The following BEND6 variants were observed in gnomAD, a reference collection of about 807,000 sequenced individuals.
BEND6 encodes BEN domain-containing protein 6.
A neutral mutation model predicts 31.8 loss-of-function variants in BEND6; 24 were observed. The ratio of observed to expected loss-of-function variants is 0.75; its 90% CI spans 0.55 to 1.06. The LOEUF (loss-of-function observed/expected upper bound fraction) is 1.06. BEND6 is among the 50% of genes least tolerant of loss of function. The probability of loss-of-function intolerance (pLI) is 0.00; values close to 1 mark genes in which losing one functional copy is unlikely to be tolerated. For synonymous variants in BEND6, 109 were observed against 114.6 expected (o/e 0.95, Z 0.31); for missense variants, 294 against 327.4 (o/e 0.90, Z 0.79).
At chr6:57,005,077 T>C (rs965790794) in intron 3 of BEND6, among the ~76,000 whole-genome samples, 23 of 152,122 alleles carry the variant, frequency 1.5e-4, no homozygotes, top group Middle Eastern at 3.2e-3. Context: ...GCCTGTAGGA[T>C]AGGTAATCAG....
intron 1 of BEND6, among the ~76,000 whole-genome samples, chr6:56,980,177 T>C (rs1826020254): frequency 6.6e-6 from 1 of 152,128 alleles, no homozygotes; most frequent in Non-Finnish European, 1.5e-5. Context: ...TGCTTTTTCT[T>C]TTGCTTTTGT....
intron 3 of BEND6, 34 bp from the exon 4 acceptor site, chr6:57,015,099 T>C (rs1298371793): frequency 6.4e-7 from 1 of 1,568,014 alleles, no homozygotes. Context: ...TTATCAATGG[T>C]ATTTGTAAAG....
intron 1 of BEND6, among the ~76,000 whole-genome samples, chr6:56,962,799 A>T (rs1237927950): frequency 6.6e-6 from 1 of 152,186 alleles, no homozygotes; most frequent in Non-Finnish European, 1.5e-5. Flanking sequence ...GTTGATTGGT[A>T]TGATCATTAT....
chr6:56,983,541 G>A (rs1031949577), intron 2 of BEND6, among the ~76,000 whole-genome samples: 2 of 152,126 alleles, frequency 1.3e-5, no homozygotes, highest in East Asian at 3.8e-4. Flanking sequence ...GATTCCAGAT[G>A]TAAGTGAGAT....
chr6:57,025,747 G>T (rs567370051), intron 6 of BEND6, among the ~76,000 whole-genome samples: 1 of 152,272 alleles, frequency 6.6e-6, no homozygotes, highest in South Asian at 2.1e-4. Context: ...GATTATTGTG[G>T]ATAAGGAAGC....
chr6:57,011,654 G>C (rs1827345325), intron 3 of BEND6, among the ~76,000 whole-genome samples: 2 of 143,800 alleles, frequency 1.4e-5, no homozygotes, highest in African/African-American at 5.2e-5. Context: ...GGAAGTCAAG[G>C]CTGTAGTAAG....
intron 5 of BEND6, among the ~76,000 whole-genome samples, chr6:57,017,990 A>C (rs1164134428): frequency 6.6e-6 from 1 of 152,240 alleles, no homozygotes; most frequent in Non-Finnish European, 1.5e-5. Context: ...GACTGACTTT[A>C]AAAGTTAGAG....
chr6:57,017,286 T>C lies in BEND6; in HGVS notation c.599T>C (p.Leu200Pro). 1 of 1,548,074 alleles carries C rather than the reference T, an allele frequency of 6.5e-7. No individual in the cohort carries two copies. Among genetic ancestry groups the C allele is most frequent in the Non-Finnish European group, 8.7e-7 (1 of 1,147,712 alleles). ...TTTATTAATGATTTAATGCAAGTAC[T>C]TTACACAAATGAATACATGGCCACT... Reference protein sequence around the residue: ...QKFINDLMQVLYTNEYMATHS... With the variant: ...QKFINDLMQVPYTNEYMATHS... Residue 200 changes from leucine (L) to proline (P), a missense_variant, in exon 5 of 7, where the codon CTT (leucine) becomes CCT (proline). By Grantham distance (98) the Leu-to-Pro change is moderately conservative (BLOSUM62 -3). Transcript: ENST00000370746.
chr6:56,966,419 G>A (rs1825481532), intron 1 of BEND6, among the ~76,000 whole-genome samples: 1 of 152,150 alleles, frequency 6.6e-6, no homozygotes, highest in Non-Finnish European at 1.5e-5. Flanking sequence ...TTATAAATAT[G>A]AGGGAAGGCA....
chr6:56,958,204 TG>T (rs1227747126), intron 1 of BEND6, among the ~76,000 whole-genome samples: 1 of 152,190 alleles, frequency 6.6e-6, no homozygotes, highest in Non-Finnish European at 1.5e-5. Context: ...ACATCACTCC[TG>T]CCCACTAATG....
At chr6:57,007,593 A>G (rs1827203499) in intron 3 of BEND6, among the ~76,000 whole-genome samples, 1 of 152,110 alleles carries the variant, frequency 6.6e-6, no homozygotes, top group Admixed American at 6.5e-5. Context: ...TGAGACCAGC[A>G]TGGGCAACAT....
chr6:56,993,330 T>C (rs919358336), intron 3 of BEND6, among the ~76,000 whole-genome samples: 7 of 152,170 alleles, frequency 4.6e-5, no homozygotes, highest in Non-Finnish European at 1.0e-4. Context: ...AAACAGTAAA[T>C]ACACAGAACA....
intron 1 of BEND6, among the ~76,000 whole-genome samples, chr6:56,970,934 A>C (rs533493064): frequency 1.4e-4 from 21 of 152,280 alleles, no homozygotes; most frequent in African/African-American, 4.8e-4. Flanking sequence ...TTTGTAAACT[A>C]ATTTGTTTTT....
chr6:56,957,467 T>C, intron 1 of BEND6, among the ~76,000 whole-genome samples: 1 of 152,246 alleles, frequency 6.6e-6, no homozygotes, highest in Admixed American at 6.5e-5. Context: ...CTTCTGTCTG[T>C]GTGTTTATGT....
intron 1 of BEND6, among the ~76,000 whole-genome samples, chr6:56,965,252 G>T (rs2127840069): frequency 6.6e-6 from 1 of 152,178 alleles, no homozygotes. Context: ...GGAGAGAAAT[G>T]ATTGGTAACA....
intron 1 of BEND6, among the ~76,000 whole-genome samples, chr6:56,959,311 G>A (rs1455449300): frequency 3.3e-5 from 5 of 152,160 alleles, no homozygotes; most frequent in African/African-American, 1.2e-4. Context: ...ATGACTTTTA[G>A]GGAAAGATAA....
At chr6:57,018,805 A>T (rs1279061785) in intron 6 of BEND6, among the ~76,000 whole-genome samples, 1 of 152,184 alleles carries the variant, frequency 6.6e-6, no homozygotes, top group Non-Finnish European at 1.5e-5. Context: ...GCTCATGTGC[A>T]CCAGAAATCT....
chr6:56,961,952 A>G (rs540137956), intron 1 of BEND6, among the ~76,000 whole-genome samples: 1 of 152,322 alleles, frequency 6.6e-6, no homozygotes, highest in East Asian at 1.9e-4. Context: ...TTAAATTTTT[A>G]CTTCTGCAAA....
At chr6:56,971,476 A>G (rs1448286326) in intron 1 of BEND6, among the ~76,000 whole-genome samples, 2 of 152,170 alleles carry the variant, frequency 1.3e-5, no homozygotes, top group Non-Finnish European at 2.9e-5. Flanking sequence ...AATTCTTTTT[A>G]GTATATACCC....
Sources: allele counts gnomAD v4.1 joint callset (sites outside exome capture counted in the v4.1 genomes callset), GRCh38; gene constraint gnomAD v4.1.1; transcripts MANE v1.5; gene names NCBI Gene and HGNC (gene_info 2026-07-23, HGNC 2026-07-21).